Variants in STAG1 observed in about 807,000 individuals in gnomAD.
STAG1 encodes cohesin subunit SA-1.
A neutral mutation model predicts 170.9 loss-of-function variants in STAG1; 26 were observed. The observed-to-expected ratio is 0.15, with a 90% confidence interval of 0.11 to 0.21. The LOEUF is 0.21. Among genes scored for constraint, STAG1 ranks in the 10% least tolerant of loss-of-function variants. STAG1 has a pLI of 1.00. For missense variants in STAG1, 964 were observed against 1,509.5 expected, an observed-to-expected ratio of 0.64 and a Z score of 5.99; for synonymous variants, 514 against 497.7, an observed-to-expected ratio of 1.03 and a Z score of -0.44.
At chr3:136,462,189 C>T (rs1271366288) in intron 13 of STAG1, among the ~76,000 whole-genome samples, 1 of 152,042 alleles carries the variant, frequency 6.6e-6, no homozygotes, top group East Asian at 1.9e-4. Context: ...AACTCCACTG[C>T]TAAGTATATA....
intron 22 of STAG1, among the ~76,000 whole-genome samples, chr3:136,396,413 T>C (rs1157997590): frequency 6.8e-6 from 1 of 148,064 alleles, no homozygotes; most frequent in East Asian, 2.0e-4. Flanking sequence ...ATTGACAGGG[T>C]TTCACTACTG....
intron 2 of STAG1, 74 bp from the exon 3 acceptor site, chr3:136,623,322 C>T: frequency 7.4e-7 from 1 of 1,353,530 alleles, no homozygotes; most frequent in South Asian, 1.2e-5. Context: ...CTTTCCTTAC[C>T]ACCTGCTATA....
At chr3:136,576,019 C>CA (rs758212373) in intron 4 of STAG1, among the ~76,000 whole-genome samples, 3 of 152,136 alleles carry the variant, frequency 2.0e-5, no homozygotes, top group Non-Finnish European at 4.4e-5. Flanking sequence ...GCCTTCCTCC[C>CA]ACTTAGAGAA....
At chr3:136,352,452 G>A (rs370172534) in intron 28 of STAG1, among the ~76,000 whole-genome samples, 16 of 152,118 alleles carry the variant, frequency 1.1e-4, no homozygotes, top group Non-Finnish European at 1.6e-4. Flanking sequence ...GAGCCACAGC[G>A]CCTGGCCAAA....
intron 14 of STAG1, among the ~76,000 whole-genome samples, chr3:136,449,708 T>C (rs551515543): frequency 6.6e-6 from 1 of 152,280 alleles, no homozygotes; most frequent in Admixed American, 6.5e-5. Flanking sequence ...TACAAATTAC[T>C]TCTTTAAATA....
intron 4 of STAG1, among the ~76,000 whole-genome samples, chr3:136,574,501 C>A (rs911435571): frequency 2.0e-5 from 3 of 152,056 alleles, no homozygotes; most frequent in Non-Finnish European, 4.4e-5. Context: ...CATATACACA[C>A]ACCATGCAAA....
chr3:136,498,233 TAC>T (rs1276688144), intron 9 of STAG1, among the ~76,000 whole-genome samples: 640 of 57,092 alleles, frequency 0.011, 38 homozygotes, highest in African/African-American at 0.016. Flanking sequence ...TATATATATA[TAC>T]ACATACATAT....
intron 5 of STAG1, among the ~76,000 whole-genome samples, chr3:136,566,804 ACT>A (rs1937091806): frequency 1.3e-5 from 2 of 152,204 alleles, no homozygotes; most frequent in Non-Finnish European, 1.5e-5. Context: ...TCATTACAGT[ACT>A]CTCTGTAACA....
intron 20 of STAG1, among the ~76,000 whole-genome samples, chr3:136,418,631 G>A (rs1308141094): frequency 6.6e-6 from 1 of 150,958 alleles, no homozygotes; most frequent in Non-Finnish European, 1.5e-5. Context: ...TCCCTTTATT[G>A]TATATATAAT....
chr3:136,738,521 C>G (rs1423409496), intron 1 of STAG1, among the ~76,000 whole-genome samples: 1 of 151,938 alleles, frequency 6.6e-6, no homozygotes, highest in Non-Finnish European at 1.5e-5. Flanking sequence ...CACGGTGGCA[C>G]GCGCCTGAGG....
At chr3:136,744,637 G>GT (rs1444230437) in intron 1 of STAG1, among the ~76,000 whole-genome samples, 1 of 149,458 alleles carries the variant, frequency 6.7e-6, no homozygotes, top group African/African-American at 2.5e-5. Flanking sequence ...GTTAGCTGCT[G>GT]TGAGTCGTGA....
chr3:136,412,009 G>A (rs905780482), intron 21 of STAG1, among the ~76,000 whole-genome samples: 2 of 146,868 alleles, frequency 1.4e-5, no homozygotes, highest in Non-Finnish European at 3.0e-5. Flanking sequence ...GTGACAGAAC[G>A]AGACTTCGTC....
intron 28 of STAG1, among the ~76,000 whole-genome samples, chr3:136,349,644 G>A (rs973670603): frequency 1.3e-5 from 2 of 151,414 alleles, no homozygotes; most frequent in Non-Finnish European, 1.5e-5. Flanking sequence ...AAACACCAAT[G>A]TTAAAAAAAA....
chr3:136,628,158 T>C (rs1472439952), intron 2 of STAG1, among the ~76,000 whole-genome samples: 1 of 152,082 alleles, frequency 6.6e-6, no homozygotes, highest in Non-Finnish European at 1.5e-5. Context: ...GATCTGATGG[T>C]TTAAAGTGTG....
At chr3:136,646,028 T>C (rs916507536) in intron 1 of STAG1, among the ~76,000 whole-genome samples, 2 of 152,176 alleles carry the variant, frequency 1.3e-5, no homozygotes, top group Non-Finnish European at 2.9e-5. Flanking sequence ...CTTTAACCAA[T>C]ATGACCTAAT....
intron 9 of STAG1, among the ~76,000 whole-genome samples, chr3:136,495,082 T>C (rs554970303): frequency 1.3e-5 from 2 of 152,326 alleles, no homozygotes; most frequent in Admixed American, 1.3e-4. Flanking sequence ...ATCTAAAGCA[T>C]ACTCAATGCA....
intron 22 of STAG1, among the ~76,000 whole-genome samples, chr3:136,394,687 G>A (rs937945096): frequency 2.6e-5 from 4 of 151,564 alleles, no homozygotes; most frequent in Non-Finnish European, 4.4e-5. Context: ...TTTGGGAGGC[G>A]AAGACAGGCA....
At chr3:136,464,728 A>G (rs183626926) in intron 13 of STAG1, among the ~76,000 whole-genome samples, 153 bp downstream of exon 13, 75 of 152,354 alleles carry the variant, frequency 4.9e-4, no homozygotes, top group Non-Finnish European at 3.2e-4. Flanking sequence ...TTCACCATGT[A>G]TACATAGGCT....
At chr3:136,720,970 CAG>C (rs1361884416) in intron 1 of STAG1, among the ~76,000 whole-genome samples, 1 of 152,114 alleles carries the variant, frequency 6.6e-6, no homozygotes, top group Non-Finnish European at 1.5e-5. Context: ...ACAAGTGACG[CAG>C]AGAGGTAAAA....
Sources: allele counts gnomAD v4.1 joint callset (sites outside exome capture counted in the v4.1 genomes callset), GRCh38; gene constraint gnomAD v4.1.1; transcripts MANE v1.5; gene names NCBI Gene and HGNC (gene_info 2026-07-23, HGNC 2026-07-21).